Variants in PRSS55 observed in about 807,000 individuals in gnomAD.
The protein encoded by PRSS55 is probable serine protease UNQ9391/PRO34284.
A neutral mutation model predicts 23.6 loss-of-function variants in PRSS55; 41 were observed. That is an observed-to-expected ratio of 1.74 (90% CI 1.35 to 2.26). The LOEUF (loss-of-function observed/expected upper bound fraction) is 2.26, where lower values mean the gene tolerates loss of function less well. Ranked by LOEUF, PRSS55 falls within the 30% of genes most tolerant of loss-of-function variation. PRSS55 has a pLI of 0.00. For missense variants in PRSS55, 669 were observed against 439.1 expected (o/e 1.52, Z -4.68); for synonymous variants, 262 against 175.5 (o/e 1.49, Z -3.90).
chr8:10,553,965 A>G lies in PRSS55; in HGVS notation c.764A>G (p.Gln255Arg), dbSNP rs919018943. The G allele has an allele frequency of 2.0e-6, 3 of 1,525,810 alleles. 1 individual carries two copies. The South Asian group carries it at 3.7e-5, about 19-fold the overall frequency. The allele number at this position is 1,525,810 out of a possible 1,614,324, so 94.5% of individuals were successfully genotyped here. ...AAGCAAAGCTATTTTCCCACTTTAC[A>G]AAGAATGAACACCGGAAGCTCTCAA... is the stretch of plus-strand genomic sequence containing the variant. Residue 255 changes from glutamine (Q) to arginine (R), a missense_variant, in exon 5 of 5, where the codon CAA (glutamine) becomes CGA (arginine). Gln to Arg is a conservative substitution (Grantham distance 43). Transcript: ENST00000522210.
At chr8:10,548,430 G>A (rs1386626593) in intron 4 of PRSS55, among the ~76,000 whole-genome samples, 1 of 152,126 alleles carries the variant, frequency 6.6e-6, no homozygotes, top group Admixed American at 6.5e-5. Context: ...CCCGGTGGCT[G>A]CCACCCTGCT....
At chr8:10,533,471 T>G (rs1812344713) in intron 4 of PRSS55, among the ~76,000 whole-genome samples, 1 of 152,204 alleles carries the variant, frequency 6.6e-6, no homozygotes, top group Non-Finnish European at 1.5e-5. Context: ...ACCCTACAGT[T>G]TCCTGGACAG....
intron 4 of PRSS55, among the ~76,000 whole-genome samples, chr8:10,548,500 G>A (rs1268194689): frequency 2.6e-5 from 4 of 152,136 alleles, no homozygotes. Context: ...GTGGCACCGC[G>A]GGGCTGCACT....
At chr8:10,528,232 G>A (rs1031912284) in intron 1 of PRSS55, among the ~76,000 whole-genome samples, 1 of 150,516 alleles carries the variant, frequency 6.6e-6, no homozygotes, top group Non-Finnish European at 1.5e-5. Context: ...CCCGAAGAGA[G>A]CCTTTATGCA....
chr8:10,530,347 C>A (rs184742661), intron 2 of PRSS55, among the ~76,000 whole-genome samples: 13 of 152,280 alleles, frequency 8.5e-5, no homozygotes, highest in African/African-American at 3.1e-4. Flanking sequence ...CGGTGGCGTG[C>A]GCCTGTAGTC....
At chr8:10,538,919 G>A (rs1243138602), downstream of PRSS55, 2 of 933,132 alleles carry the variant, frequency 2.1e-6, no homozygotes, top group South Asian at 3.8e-5. Context: ...GGACCAGAGA[G>A]TCACCCTGGG....
chr8:10,543,061 A>G (rs1812705999), downstream of PRSS55, among the ~76,000 whole-genome samples: 1 of 152,064 alleles, frequency 6.6e-6, no homozygotes. Flanking sequence ...ATGGACAGGT[A>G]GACCCTACCT....
downstream of PRSS55, chr8:10,541,642 T>A (rs1181803552): frequency 1.5e-5 from 2 of 137,600 alleles, no homozygotes; most frequent in African/African-American, 7.2e-5. Context: ...GTATCAGCTC[T>A]ATCTATCTAT....
intron 4 of PRSS55, among the ~76,000 whole-genome samples, chr8:10,547,958 AG>A (rs1812858655): frequency 7.1e-6 from 1 of 139,900 alleles, no homozygotes; most frequent in South Asian, 2.4e-4. Flanking sequence ...AGAGGAGAAC[AG>A]GGAAGAAGGA....
At chr8:10,526,226 A>G (rs1353384879) in intron 1 of PRSS55, among the ~76,000 whole-genome samples, 1 of 152,196 alleles carries the variant, frequency 6.6e-6, no homozygotes, top group Non-Finnish European at 1.5e-5. Flanking sequence ...AGCAACTGCT[A>G]GGGGTCGAGC....
chr8:10,529,794 C>T (rs889346363), intron 2 of PRSS55, 95 bp downstream of exon 2: 22 of 1,227,570 alleles, frequency 1.8e-5, no homozygotes, highest in East Asian at 7.0e-5. Context: ...GAGGAACCTG[C>T]GACTGCTCGG....
intron 4 of PRSS55, among the ~76,000 whole-genome samples, chr8:10,545,768 A>T (rs906677923): frequency 1.3e-5 from 2 of 152,252 alleles, no homozygotes. Flanking sequence ...GTAAAAACTC[A>T]CAAAGCATCT....
intron 4 of PRSS55, among the ~76,000 whole-genome samples, chr8:10,552,297 G>A (rs1344990951): frequency 6.6e-6 from 1 of 152,212 alleles, no homozygotes; most frequent in Non-Finnish European, 1.5e-5. Flanking sequence ...TCATGGCAAA[G>A]CTACGGATGG....
rs143226928 is a variant in PRSS55 at position 10,550,911 on chromosome 8, C to G, written c.742-3032C>G. On this transcript the variant is annotated intron_variant, in intron 4 of 4. Coordinates refer to the PRSS55 transcript ENST00000522210. ...AGGATTGCTTGCTCAGCTATCCTGT[C>G]TTCTTTCACATTCAGATGACACTGA... 5.8e-3 allele frequency among the ~76,000 whole-genome samples: 890 copies of G among 152,342 alleles called. 11 individuals are homozygous for G. The highest frequency in any genetic ancestry group is 0.021 in the African/African-American group (861 of 41,578).
At chr8:10,531,183 T>C in intron 2 of PRSS55, 112 bp from the exon 3 acceptor site, 2 of 1,339,556 alleles carry the variant, frequency 1.5e-6, no homozygotes, top group South Asian at 2.7e-5. Flanking sequence ...CCCAGTAGGG[T>C]TTAAAGGTCC....
chr8:10,525,688 G>T lies in PRSS55; in HGVS notation c.103G>T (p.Ala35Ser), dbSNP rs768132206. 4.3e-6 allele frequency: 7 copies of T among 1,613,740 alleles called. No individual in the cohort carries two copies. In the South Asian group the frequency reaches 5.5e-5, roughly 13 times the overall value. The change falls in exon 1 of 5, where the codon GCT becomes TCT. Residue 35 changes from alanine to serine, a missense_variant. Transcript: ENST00000328655. ...GGCTGGAGTGGCTATCCTAGGCAGG[G>T]CTAGGGGAGCCCACCGCCCTCAGCC... ...PEAGVAILGR[A>S]RGAHRPQPPH...
intron 4 of PRSS55, among the ~76,000 whole-genome samples, chr8:10,550,722 C>G (rs1014119203): frequency 6.6e-6 from 1 of 152,220 alleles, no homozygotes. Flanking sequence ...TTGGTTTTTA[C>G]TGTATCAGCT....
chr8:10,534,506 T>C (rs1812387577), intron 4 of PRSS55, among the ~76,000 whole-genome samples: 1 of 152,136 alleles, frequency 6.6e-6, no homozygotes. Context: ...AAGAGAGTAA[T>C]ATAACAAAGG....
downstream of PRSS55, among the ~76,000 whole-genome samples, chr8:10,543,712 A>G (rs146083383): frequency 3.0e-3 from 295 of 98,520 alleles, 1 homozygote; most frequent in Non-Finnish European, 5.3e-3. Context: ...AGTGCATCAC[A>G]TATGTTTTTG....
Sources: gnomAD v4.1 joint callset for allele counts (sites outside exome capture counted in the v4.1 genomes callset) on GRCh38, gnomAD v4.1.1 for gene constraint, MANE v1.5 for transcripts, NCBI Gene and HGNC (gene_info 2026-07-23, HGNC 2026-07-21) for gene names.